The following EIF2B3 variants were observed in gnomAD, a reference collection of about 807,000 sequenced individuals.
The protein encoded by EIF2B3 is translation initiation factor eIF2B subunit gamma.
EIF2B3 carries 20 observed loss-of-function variants against 54.1 expected under a neutral mutation model. The ratio of observed to expected loss-of-function variants is 0.37; its 90% CI spans 0.26 to 0.54. The LOEUF is 0.54. EIF2B3 is among the 20% of genes least tolerant of loss of function. The pLI, the probability that EIF2B3 is intolerant of heterozygous loss-of-function variation, is 0.86. For missense variants in EIF2B3, 448 were observed against 547.8 expected (o/e 0.82, Z 1.82); for synonymous variants, 153 against 188.1 (o/e 0.81, Z 1.52).
intron 3 of EIF2B3, among the ~76,000 whole-genome samples, chr1:44,951,763 T>G (rs894102246): frequency 1.3e-5 from 2 of 151,160 alleles, no homozygotes; most frequent in African/African-American, 4.9e-5. Flanking sequence ...TCATCCTTCC[T>G]TAAAACTTCA....
chr1:44,878,285 C>CA (rs1466212076), intron 8 of EIF2B3, among the ~76,000 whole-genome samples: 1 of 152,000 alleles, frequency 6.6e-6, no homozygotes, highest in Non-Finnish European at 1.5e-5. Context: ...TTTTTTGAGA[C>CA]AGAGTCTCAC....
intron 10 of EIF2B3, among the ~76,000 whole-genome samples, chr1:44,864,528 C>A (rs758351692): frequency 1.8e-4 from 27 of 152,164 alleles, no homozygotes; most frequent in Admixed American, 1.4e-3. Context: ...TGCCACTGCA[C>A]TCCAGCCTGG....
intron 10 of EIF2B3, among the ~76,000 whole-genome samples, chr1:44,869,623 T>G (rs1654898889): frequency 9.2e-6 from 1 of 108,838 alleles, no homozygotes; most frequent in Admixed American, 1.1e-4. Context: ...TTTTTTGAGA[T>G]GGAGTCTCGC....
intron 10 of EIF2B3, among the ~76,000 whole-genome samples, chr1:44,863,793 C>T (rs370884314): frequency 2.0e-5 from 3 of 152,140 alleles, no homozygotes; most frequent in Admixed American, 6.6e-5. Context: ...ATACATGTTA[C>T]CGTTCTGTGT....
chr1:44,878,470 C>T (rs962402189), intron 8 of EIF2B3, among the ~76,000 whole-genome samples: 1 of 152,096 alleles, frequency 6.6e-6, no homozygotes, highest in Non-Finnish European at 1.5e-5. Flanking sequence ...ACCATGTTGG[C>T]CAGCCTGGTC....
intron 3 of EIF2B3, among the ~76,000 whole-genome samples, chr1:44,958,215 A>G (rs1644248222): frequency 6.6e-6 from 1 of 152,140 alleles, no homozygotes; most frequent in African/African-American, 2.4e-5. Flanking sequence ...TGAAAATCAA[A>G]TGGGCTTGGA....
intron 3 of EIF2B3, among the ~76,000 whole-genome samples, chr1:44,966,486 A>G (rs376294357): frequency 1.3e-5 from 2 of 151,792 alleles, no homozygotes; most frequent in African/African-American, 4.8e-5. Context: ...ACTAAATAGA[A>G]ATTGCCAGGA....
In EIF2B3 at chr1:44,897,463, T is replaced by A. The variant is rs1553171468; in HGVS notation, c.567-19A>T. The A allele has an allele frequency of 6.3e-7, 1 of 1,575,178 alleles. No homozygotes were observed. The highest frequency in any genetic ancestry group is 8.7e-7 in the Non-Finnish European group (1 of 1,155,494). Reference sequence around the variant, plus strand: ...AGGATGCCTGCAAAAAAATAAAAAATAAAAGAAAGAAAGAAGAGGCTCACA... The same window carrying A: ...AGGATGCCTGCAAAAAAATAAAAAAAAAAAGAAAGAAAGAAGAGGCTCACA... On this transcript the variant is annotated intron_variant, in intron 5 of 11. Transcript: ENST00000360403.
chr1:44,870,887 A>T (rs1654944021), intron 10 of EIF2B3, among the ~76,000 whole-genome samples: 1 of 152,098 alleles, frequency 6.6e-6, no homozygotes, highest in South Asian at 2.1e-4. Flanking sequence ...TCCTGGGCTC[A>T]TCTGCCCACC....
intron 8 of EIF2B3, among the ~76,000 whole-genome samples, chr1:44,877,216 AAAAAAAC>A (rs1655221145): frequency 6.7e-6 from 1 of 149,526 alleles, no homozygotes; most frequent in African/African-American, 2.5e-5. Context: ...AAAAAAAAAA[AAAAAAAC>A]ACCTTAGGTA....
chr1:44,980,680 T>C (rs1029160469), intron 2 of EIF2B3, among the ~76,000 whole-genome samples: 1 of 152,096 alleles, frequency 6.6e-6, no homozygotes, highest in Non-Finnish European at 1.5e-5. Context: ...TTAAAACATA[T>C]ATATATTGAA....
chr1:44,859,197 A>T (rs969069026), intron 10 of EIF2B3, among the ~76,000 whole-genome samples: 3 of 152,150 alleles, frequency 2.0e-5, no homozygotes, highest in African/African-American at 7.2e-5. Context: ...GTTATTCAGG[A>T]GGCTGAGGTA....
At chr1:44,889,961 G>A (rs577324054) in intron 6 of EIF2B3, among the ~76,000 whole-genome samples, 8 of 152,352 alleles carry the variant, frequency 5.3e-5, no homozygotes, top group African/African-American at 9.6e-5. Flanking sequence ...AATGGGTGGT[G>A]GATAGATTCC....
chr1:44,974,209 C>T (rs1644430270), intron 3 of EIF2B3, among the ~76,000 whole-genome samples: 4 of 151,290 alleles, frequency 2.6e-5, no homozygotes, highest in African/African-American at 4.9e-5. Flanking sequence ...CATAGTGGCT[C>T]ATGCCTGTAA....
intron 3 of EIF2B3, among the ~76,000 whole-genome samples, chr1:44,968,671 G>A (rs1178380296): frequency 1.3e-5 from 2 of 152,094 alleles, no homozygotes; most frequent in Non-Finnish European, 2.9e-5. Flanking sequence ...GGCCGAGGCG[G>A]GCGGATCATG....
At chr1:44,857,848 C>T in intron 10 of EIF2B3, 41 bp from the exon 11 acceptor site, 1 of 1,580,774 alleles carries the variant, frequency 6.3e-7, no homozygotes, top group Non-Finnish European at 8.7e-7. Flanking sequence ...CCAAGGCTCG[C>T]ATCACCATCC....
chr1:44,887,897 C>T (rs186816503), intron 6 of EIF2B3, among the ~76,000 whole-genome samples: 6 of 151,156 alleles, frequency 4.0e-5, no homozygotes, highest in Admixed American at 6.6e-5. Flanking sequence ...GACTCTGTCT[C>T]CCCCCAAAAA....
At chr1:44,857,086 T>A (rs1320090022) in intron 11 of EIF2B3, among the ~76,000 whole-genome samples, 1 of 152,182 alleles carries the variant, frequency 6.6e-6, no homozygotes, top group East Asian at 1.9e-4. Context: ...GTGCCTAGGC[T>A]TCAAGAATCA....
At chr1:44,939,847 GA>G (rs1328191510) in intron 4 of EIF2B3, among the ~76,000 whole-genome samples, 1 of 151,736 alleles carries the variant, frequency 6.6e-6, no homozygotes, top group Non-Finnish European at 1.5e-5. Flanking sequence ...GAGTACAAAG[GA>G]AACAAAAAAA....
Sources: allele counts gnomAD v4.1 joint callset (sites outside exome capture counted in the v4.1 genomes callset), GRCh38; gene constraint gnomAD v4.1.1; transcripts MANE v1.5; gene names NCBI Gene and HGNC (gene_info 2026-07-23, HGNC 2026-07-21).